Variants in GALNTL6 observed in about 807,000 individuals in gnomAD.
GALNTL6 encodes polypeptide N-acetylgalactosaminyltransferase like 6.
GALNTL6 carries 46 observed loss-of-function variants against 73.7 expected under a neutral mutation model. That is an observed-to-expected ratio of 0.62 (90% CI 0.49 to 0.80). The LOEUF (loss-of-function observed/expected upper bound fraction) is 0.80. Among genes scored for constraint, GALNTL6 ranks in the 30% least tolerant of loss-of-function variants. The pLI, the probability that GALNTL6 is intolerant of heterozygous loss-of-function variation, is 0.00. For missense variants in GALNTL6, 604 were observed against 755.0 expected, an observed-to-expected ratio of 0.80 and a Z score of 2.34; for synonymous variants, 259 against 263.7, an observed-to-expected ratio of 0.98 and a Z score of 0.17.
intron 5 of GALNTL6, among the ~76,000 whole-genome samples, chr4:172,440,558 G>A (rs1731796303): frequency 6.6e-6 from 1 of 152,026 alleles, no homozygotes; most frequent in Admixed American, 6.6e-5. Context: ...ATAATGATGG[G>A]TATCTGTCAT....
intron 7 of GALNTL6, among the ~76,000 whole-genome samples, chr4:172,870,082 A>ATTG (rs1553997508): frequency 1.3e-5 from 2 of 151,398 alleles, no homozygotes; most frequent in Non-Finnish European, 2.9e-5. Context: ...CATCATCATC[A>ATTG]TCATCATCAT....
Position 172,506,078 on chromosome 4 carries a change from G to A in GALNTL6, c.553+157389G>A, listed in dbSNP as rs1211575409. Among the ~76,000 whole-genome samples, 13 of 53,914 alleles carry A rather than the reference G, an allele frequency of 2.4e-4. 5 individuals are homozygous for A. The highest frequency in any genetic ancestry group is 6.0e-4 in the African/African-American group (13 of 21,510). 35.4% of individuals were successfully genotyped at this position (53,914 alleles called of 152,430 possible). On this transcript the variant is annotated intron_variant, in intron 5 of 12. Coordinates refer to ENST00000506823, the MANE Select transcript of GALNTL6 (RefSeq NM_001034845.3). ...TCCTCACAGTCATTTGGAGCCTATT[G>A]TCCCAGAGTCATGTGGACCCTAGAT... is the stretch of plus-strand genomic sequence containing the variant.
chr4:172,686,766 G>A (rs370545402), intron 5 of GALNTL6, among the ~76,000 whole-genome samples: 1 of 152,018 alleles, frequency 6.6e-6, no homozygotes, highest in South Asian at 2.1e-4. Flanking sequence ...TCCTTCAAAG[G>A]ATTCAATCAT....
rs372810132 is a variant in GALNTL6 at position 172,448,582 on chromosome 4, C to A, written c.553+99893C>A. ...GAAAAAAGTTCTGGGAAACCAACAT[C>A]CACACAGTCTACTGTCCCCTCTATT... On this transcript the variant is annotated intron_variant, in intron 5 of 12. Coordinates refer to ENST00000506823, the MANE Select transcript of GALNTL6 (RefSeq NM_001034845.3). Among the ~76,000 whole-genome samples, 151 of 152,302 alleles carry A rather than the reference C, an allele frequency of 9.9e-4. 4 individuals carry two copies. In the South Asian group the frequency reaches 0.031, roughly 31 times the overall value.
At position 172,943,738 on chromosome 4, in the gene GALNTL6, T is replaced by C. The variant is rs370903915; in HGVS notation, c.1150-8299T>C. Among the ~76,000 whole-genome samples, 6 of 152,154 alleles carry C rather than the reference T, an allele frequency of 3.9e-5. No individual in the cohort carries two copies. The South Asian group carries it at 8.3e-4, about 21-fold the overall frequency. ...TGATAAGTGCTTAATATCCAGAATATAGAAAGAACTCCTACAACTTAGCAA... is the reference window on the plus strand; with the variant it reads ...TGATAAGTGCTTAATATCCAGAATACAGAAAGAACTCCTACAACTTAGCAA... On this transcript the variant is annotated intron_variant, in intron 9 of 12. Transcript: ENST00000506823.
At chr4:172,961,115 G>A (rs1386187625) in intron 10 of GALNTL6, among the ~76,000 whole-genome samples, 1 of 79,312 alleles carries the variant, frequency 1.3e-5, no homozygotes, top group East Asian at 4.0e-4. Context: ...ATGGGGAGAA[G>A]GGGTTGGGGG....
chr4:172,974,669 G>T (rs1206792294), intron 10 of GALNTL6, among the ~76,000 whole-genome samples: 1 of 152,182 alleles, frequency 6.6e-6, no homozygotes. Context: ...CACTCAGCCT[G>T]GCAGTCTGCA....
chr4:171,817,594 G>A (rs1254916924), intron 2 of GALNTL6, among the ~76,000 whole-genome samples: 1 of 151,418 alleles, frequency 6.6e-6, no homozygotes, highest in African/African-American at 2.4e-5. Context: ...TCTACTGTCT[G>A]ATTACACATT....
At chr4:172,227,882 G>A (rs959803135) in intron 2 of GALNTL6, among the ~76,000 whole-genome samples, 5 of 152,136 alleles carry the variant, frequency 3.3e-5, no homozygotes, top group Admixed American at 1.3e-4. Context: ...AAACGCTGGA[G>A]TTTACACAAG....
chr4:172,811,227 T>A (rs1383147319), intron 6 of GALNTL6, among the ~76,000 whole-genome samples: 1 of 152,154 alleles, frequency 6.6e-6, no homozygotes, highest in African/African-American at 2.4e-5. Context: ...GTTTGTTTGA[T>A]CCCTGGAAAT....
chr4:172,244,232 A>G (rs1737548555), intron 3 of GALNTL6, among the ~76,000 whole-genome samples: 2 of 152,142 alleles, frequency 1.3e-5, no homozygotes, highest in South Asian at 2.1e-4. Context: ...AAATGAAAAG[A>G]GATTGTGAGC....
At chr4:172,735,825 T>C (rs1461389806) in intron 5 of GALNTL6, among the ~76,000 whole-genome samples, 2 of 152,074 alleles carry the variant, frequency 1.3e-5, no homozygotes, top group Non-Finnish European at 2.9e-5. Context: ...TGTCGGCCGG[T>C]CTGAGAAATA....
intron 10 of GALNTL6, among the ~76,000 whole-genome samples, chr4:172,983,855 A>G (rs1011659473): frequency 3.3e-5 from 5 of 152,180 alleles, no homozygotes; most frequent in Admixed American, 6.5e-5. Flanking sequence ...AGGCAACACA[A>G]TGCCGAAGCT....
At chr4:172,453,473 C>T (rs1435419574) in intron 5 of GALNTL6, among the ~76,000 whole-genome samples, 1 of 152,180 alleles carries the variant, frequency 6.6e-6, no homozygotes, top group African/African-American at 2.4e-5. Context: ...AGCTGATTTA[C>T]TTAGAGTTGC....
At chr4:172,292,133 A>C (rs1194001833) in intron 3 of GALNTL6, among the ~76,000 whole-genome samples, 2 of 152,104 alleles carry the variant, frequency 1.3e-5, no homozygotes, top group Non-Finnish European at 2.9e-5. Flanking sequence ...TAGAGTTTCT[A>C]ATGGGCACAG....
At chr4:172,601,992 T>C (rs1007736511) in intron 5 of GALNTL6, among the ~76,000 whole-genome samples, 2 of 151,970 alleles carry the variant, frequency 1.3e-5, no homozygotes, top group African/African-American at 4.8e-5. Context: ...ACACTTCTTA[T>C]AAGTGGGGCA....
At chr4:172,186,585 G>T (rs1175273559) in intron 2 of GALNTL6, among the ~76,000 whole-genome samples, 1 of 152,036 alleles carries the variant, frequency 6.6e-6, no homozygotes, top group Non-Finnish European at 1.5e-5. Context: ...ACCATAGAAA[G>T]AAATGAAGTA....
intron 5 of GALNTL6, among the ~76,000 whole-genome samples, chr4:172,782,686 G>C (rs1269219727): frequency 6.6e-6 from 1 of 152,066 alleles, no homozygotes; most frequent in Non-Finnish European, 1.5e-5. Context: ...TTCGAAATCT[G>C]GGAGTAGGTA....
intron 2 of GALNTL6, among the ~76,000 whole-genome samples, chr4:171,915,989 T>G (rs75022087): frequency 0.052 from 7,840 of 152,196 alleles, 603 homozygotes; most frequent in African/African-American, 0.17. Context: ...ATTTTCTTCT[T>G]TTAGAAAATT....
Sources: allele counts gnomAD v4.1 joint callset (sites outside exome capture counted in the v4.1 genomes callset), GRCh38; gene constraint gnomAD v4.1.1; transcripts MANE v1.5; gene names NCBI Gene and HGNC (gene_info 2026-07-23, HGNC 2026-07-21).